Variants in MRPS23 observed in about 807,000 individuals in gnomAD.
MRPS23 encodes the protein small ribosomal subunit protein mS23.
In MRPS23, 14 loss-of-function variants were observed where a neutral mutation model predicts 19.8. The ratio of observed to expected loss-of-function variants is 0.71; its 90% CI spans 0.47 to 1.11. MRPS23 has a LOEUF of 1.11. Among genes scored for constraint, MRPS23 ranks in the 50% least tolerant of loss-of-function variants. MRPS23 has a pLI of 0.00. For missense variants in MRPS23, 242 were observed against 236.7 expected (o/e 1.02, Z -0.15); for synonymous variants, 113 against 89.7 (o/e 1.26, Z -1.47).
intron 2 of MRPS23, among the ~76,000 whole-genome samples, chr17:57,843,145 A>T (rs1002308419): frequency 6.6e-6 from 1 of 151,778 alleles, no homozygotes; most frequent in Non-Finnish European, 1.5e-5. Context: ...GAATGGTGGC[A>T]TACACCTGTA....
intron 2 of MRPS23, among the ~76,000 whole-genome samples, chr17:57,844,892 T>C (rs2073762860): frequency 1.3e-5 from 2 of 152,028 alleles, no homozygotes; most frequent in Admixed American, 6.6e-5. Context: ...ATTTTTTAAA[T>C]TTTTTATTTA....
rs2073723373 is a variant in MRPS23 at position 57,838,893 on chromosome 17, A to G, written c.*890T>C. ...AGCTTACTACTAACAGCTAAAAACC[A>G]CTGGCTTGACCACATATACAAAGGC... On this transcript the variant is annotated 3_prime_UTR_variant, in exon 5 of 5. Transcript: ENST00000313608. The G allele has an allele frequency of 6.6e-6, 1 of 152,232 alleles. No homozygotes were observed. The highest frequency in any genetic ancestry group is 2.4e-5 in the African/African-American group (1 of 41,474). 9.4% of individuals were successfully genotyped at this position (152,232 alleles called of 1,614,324 possible). A position where few individuals can be genotyped will look rare whatever the true frequency, so the allele number is the denominator to read the frequency against.
rs1001941179 is a variant in MRPS23, at chr17:57,837,483, T to C, written c.*2300A>G. 6.6e-6 allele frequency: 1 copy of C among 152,174 alleles called. No homozygotes were observed. Among genetic ancestry groups the C allele is most frequent in the Non-Finnish European group, 1.5e-5 (1 of 68,048 alleles). The allele number at this position is 152,174 out of a possible 1,614,324, so 9.4% of individuals were successfully genotyped here. A position where few individuals can be genotyped will look rare whatever the true frequency, so the allele number is the denominator to read the frequency against. On this transcript the variant is annotated 3_prime_UTR_variant, in exon 5 of 5. Coordinates refer to ENST00000313608, the MANE Select transcript of MRPS23 (RefSeq NM_016070.4). The stretch of plus-strand genomic sequence containing the variant: ...TAGAAAAGCAAGGTACAGAACAGTA[T>C]GCATAGTGTCCTGTCCATGCCCAAA...
Position 57,836,615 on chromosome 17 carries a change from G to T in MRPS23, c.*3168C>A, listed in dbSNP as rs1472173574. On this transcript the variant is annotated 3_prime_UTR_variant, in exon 5 of 5. Coordinates refer to ENST00000313608, the MANE Select transcript of MRPS23 (RefSeq NM_016070.4). ...GTACTTTTATATCAAAGTTTAAAAG[G>T]ATTCCTGTTCATCTTGCTGTTTCAC... 1 of 151,932 alleles carries T rather than the reference G, an allele frequency of 6.6e-6. No individual in the cohort carries two copies. The highest frequency in any genetic ancestry group is 1.5e-5 in the Non-Finnish European group (1 of 68,020). The allele number at this position is 151,932 out of a possible 1,614,324, so 9.4% of individuals were successfully genotyped here.
rs541761367 is a variant in MRPS23 at position 57,842,541 on chromosome 17, A to G, written c.216-1281T>C. ...AAACCATGCTGCAATCATTATCTCTATTTATAATTTTAGTGCACTACGTAA... is the reference window on the plus strand; with the variant it reads ...AAACCATGCTGCAATCATTATCTCTGTTTATAATTTTAGTGCACTACGTAA... On this transcript the variant is annotated intron_variant, in intron 2 of 4. Coordinates refer to ENST00000313608, the MANE Select transcript of MRPS23 (RefSeq NM_016070.4). Among the ~76,000 whole-genome samples, 7 of 152,248 alleles carry G rather than the reference A, an allele frequency of 4.6e-5. No homozygotes were observed. The East Asian group carries it at 1.3e-3, about 29-fold the overall frequency.
In MRPS23 at chr17:57,847,842, G is replaced by A. The variant is rs188560589; in HGVS notation, c.215+1398C>T. Among the ~76,000 whole-genome samples the A allele has an allele frequency of 2.7e-4, 40 of 149,362 alleles. No individual in the cohort carries two copies. The East Asian group carries it at 7.6e-3, about 28-fold the overall frequency. On this transcript the variant is annotated intron_variant, in intron 2 of 4. Transcript: ENST00000313608. ...ATCCAAAGTAGCTGGGACTACAGGTGCCCACCACCAAGCCCGGCTAATTTT... is the reference window on the plus strand; with the variant it reads ...ATCCAAAGTAGCTGGGACTACAGGTACCCACCACCAAGCCCGGCTAATTTT...
intron 2 of MRPS23, 152 bp downstream of exon 2, chr17:57,849,088 G>A: frequency 1.1e-6 from 1 of 886,392 alleles, no homozygotes; most frequent in South Asian, 1.8e-5. Context: ...TCACTATGAG[G>A]AAGGGGTGCT....
At chr17:57,847,722 G>A (rs2073785903) in intron 2 of MRPS23, among the ~76,000 whole-genome samples, 1 of 149,766 alleles carries the variant, frequency 6.7e-6, no homozygotes, top group South Asian at 2.1e-4. Context: ...TTGGAGACAG[G>A]GTCTCCCTCT....
Position 57,849,267 on chromosome 17 carries a change from A to T in MRPS23, c.188T>A (p.Ile63Asn). Reference protein sequence around the residue: ...YGKAKAPIQDIWYHEDRIRAK... With the variant: ...YGKAKAPIQDNWYHEDRIRAK... ...TCTAATCCGATCCTCGTGGTACCAG[A>T]TGTCTTGGATGGGAGCTTTGGCTTT... The change falls in exon 2 of 5, where the codon ATC (isoleucine) becomes AAC (asparagine). Residue 63 changes from isoleucine to asparagine, a missense_variant. Coordinates refer to ENST00000313608, the MANE Select transcript of MRPS23 (RefSeq NM_016070.4). 1 of 1,614,164 alleles carries T rather than the reference A, an allele frequency of 6.2e-7. No homozygotes were observed. The highest frequency in any genetic ancestry group is 1.1e-5 in the South Asian group (1 of 91,070).
chr17:57,836,756 A>G lies in MRPS23; in HGVS notation c.*3027T>C, dbSNP rs2073708580. The G allele has an allele frequency of 6.6e-6, 1 of 150,614 alleles. No homozygotes were observed. 9.3% of individuals were successfully genotyped at this position (150,614 alleles called of 1,614,324 possible). Reference sequence around the variant, plus strand: ...AGTGGCACAATCTCGGCTCAACTGCAGCCTCTGCCTCCTGGGTTCCAGCGA... The same window carrying G: ...AGTGGCACAATCTCGGCTCAACTGCGGCCTCTGCCTCCTGGGTTCCAGCGA... On this transcript the variant is annotated 3_prime_UTR_variant, in exon 5 of 5. Transcript: ENST00000313608.
At chr17:57,846,927 T>TA (rs146246158) in intron 2 of MRPS23, among the ~76,000 whole-genome samples, 33,780 of 141,540 alleles carry the variant, frequency 0.24, 4,195 homozygotes, top group Non-Finnish European at 0.3. Flanking sequence ...CTATAAAAAA[T>TA]AAAAAATAAT....
chr17:57,845,927 T>C (rs567551707), intron 2 of MRPS23, among the ~76,000 whole-genome samples: 49 of 152,330 alleles, frequency 3.2e-4, no homozygotes, highest in South Asian at 2.3e-3. Flanking sequence ...CAGTGCTTAA[T>C]GAATGTTTGT....
At chr17:57,845,028 G>C (rs1163431325) in intron 2 of MRPS23, among the ~76,000 whole-genome samples, 1 of 152,046 alleles carries the variant, frequency 6.6e-6, no homozygotes, top group African/African-American at 2.4e-5. Flanking sequence ...CTCCAGACTA[G>C]CTGGGACTAC....
In MRPS23 at chr17:57,838,962, G is replaced by A. The variant is rs1316907070; in HGVS notation, c.*821C>T. 6.6e-6 allele frequency: 1 copy of A among 152,252 alleles called. No individual in the cohort carries two copies. The highest frequency in any genetic ancestry group is 1.5e-5 in the Non-Finnish European group (1 of 68,054). The allele number at this position is 152,252 out of a possible 1,614,324, so 9.4% of individuals were successfully genotyped here. A position where few individuals can be genotyped will look rare whatever the true frequency, so the allele number is the denominator to read the frequency against. ...TTTCATGTATTTAGTAAAACCTGGG[G>A]AAACGAGGAAGGCAGGGAAGTTGAT... On this transcript the variant is annotated 3_prime_UTR_variant, in exon 5 of 5. Transcript: ENST00000313608.
Position 57,840,941 on chromosome 17 carries a change from T to C in MRPS23, c.405A>G (p.Val135=), listed in dbSNP as rs758760004. 2 of 1,614,204 alleles carry C rather than the reference T, an allele frequency of 1.2e-6. No homozygotes were observed. The highest frequency in any genetic ancestry group is 1.1e-5 in the South Asian group (1 of 91,076). Reference sequence around the variant, plus strand: ...AAATACTCACAGTCCTTGCTTCGCCTACTCGTCTTAAAATGACACCTTCTG... The same window carrying C: ...AAATACTCACAGTCCTTGCTTCGCCCACTCGTCTTAAAATGACACCTTCTG... ...LLAEGVILRR[V]GEARTQHGGS... is the part of the protein sequence containing the mutation. Residue 135 remains valine, a synonymous_variant, in exon 4 of 5, where the codon GTA becomes GTG. Transcript: ENST00000313608.
chr17:57,838,945 A>G lies in MRPS23; in HGVS notation c.*838T>C. ...GCAATCTCAGAGGGATATTTCATGT[A>G]TTTAGTAAAACCTGGGGAAACGAGG... is the stretch of plus-strand genomic sequence containing the variant. On this transcript the variant is annotated 3_prime_UTR_variant, in exon 5 of 5. Transcript: ENST00000313608. 6.6e-6 allele frequency: 1 copy of G among 152,264 alleles called. No individual in the cohort carries two copies. Among genetic ancestry groups the G allele is most frequent in the South Asian group, 2.1e-4 (1 of 4,830 alleles). The allele number at this position is 152,264 out of a possible 1,614,324, so 9.4% of individuals were successfully genotyped here.
rs1483633856 is a variant in MRPS23 at position 57,835,998 on chromosome 17, A to T, written c.*3785T>A. The T allele has an allele frequency of 1.4e-5, 2 of 140,356 alleles. No homozygotes were observed. Among genetic ancestry groups the T allele is most frequent in the African/African-American group, 5.4e-5 (2 of 36,856 alleles). 8.7% of individuals were successfully genotyped at this position (140,356 alleles called of 1,614,324 possible). ...AGACAGTGTCTCTCTTCTGTCGCCC[A>T]GGCTGGGGTGCTGTAGCATGATCTC... On this transcript the variant is annotated 3_prime_UTR_variant, in exon 5 of 5. Coordinates refer to ENST00000313608, the MANE Select transcript of MRPS23 (RefSeq NM_016070.4).
intron 2 of MRPS23, among the ~76,000 whole-genome samples, chr17:57,843,211 G>C (rs1236682499): frequency 6.7e-6 from 1 of 149,358 alleles, no homozygotes; most frequent in Non-Finnish European, 1.5e-5. Flanking sequence ...AGGAGGTCAA[G>C]GCTGCAGTAA....
intron 2 of MRPS23, among the ~76,000 whole-genome samples, chr17:57,846,171 C>T (rs1449075822): frequency 1.4e-5 from 2 of 148,048 alleles, no homozygotes; most frequent in African/African-American, 2.4e-5. Context: ...GGGGGCAGTC[C>T]CTGCTCCGCC....
Sources: allele counts gnomAD v4.1 joint callset (sites outside exome capture counted in the v4.1 genomes callset), GRCh38; gene constraint gnomAD v4.1.1; transcripts MANE v1.5; gene names NCBI Gene and HGNC (gene_info 2026-07-23, HGNC 2026-07-21).